The following MRPS27 variants were observed in gnomAD, a reference collection of about 807,000 sequenced individuals.
The protein encoded by MRPS27 is mitochondrial ribosomal protein S27, also known as small ribosomal subunit protein mS27.
MRPS27 carries 43 observed loss-of-function variants against 48.9 expected under a neutral mutation model. The observed-to-expected ratio is 0.88, with a 90% CI of 0.69 to 1.13. The LOEUF is 1.13. Among genes scored for constraint, MRPS27 ranks in the 50% most tolerant of loss-of-function variants. The pLI is 0.00. For missense variants in MRPS27, 467 were observed against 476.3 expected, an observed-to-expected ratio of 0.98 and a Z score of 0.18; for synonymous variants, 188 against 171.9, an observed-to-expected ratio of 1.09 and a Z score of -0.73.
At chr5:72,272,419 T>C (rs1343943005) in intron 4 of MRPS27, among the ~76,000 whole-genome samples, 2 of 152,216 alleles carry the variant, frequency 1.3e-5, no homozygotes. Context: ...TCTGGGATTA[T>C]GGAATTTTGT....
intron 4 of MRPS27, among the ~76,000 whole-genome samples, chr5:72,249,913 G>A (rs534022967): frequency 6.6e-6 from 1 of 152,050 alleles, no homozygotes; most frequent in Non-Finnish European, 1.5e-5. Flanking sequence ...GAACCTGGGA[G>A]GCGGAGCTTG....
chr5:72,277,149 A>G (rs1461056194), intron 4 of MRPS27, among the ~76,000 whole-genome samples: 2 of 152,182 alleles, frequency 1.3e-5, no homozygotes, highest in East Asian at 3.9e-4. Context: ...AAATGCAAAT[A>G]AAAACCACAA....
intron 4 of MRPS27, among the ~76,000 whole-genome samples, chr5:72,283,574 T>A (rs968130521): frequency 6.6e-6 from 1 of 152,144 alleles, no homozygotes; most frequent in African/African-American, 2.4e-5. Flanking sequence ...TGGTCTAAAA[T>A]TTTCCAACTA....
Position 72,320,131 on chromosome 5 carries a change from T to A in MRPS27, c.73+18A>T. The A allele has an allele frequency of 6.2e-7, 1 of 1,611,644 alleles. No individual in the cohort carries two copies. Among genetic ancestry groups the A allele is most frequent in the South Asian group, 1.1e-5 (1 of 91,036 alleles). ...AAAAACAGAATAATCAGGGGCCTAA[T>A]GAAGCTGTCCGGCCAACCTGCAGGA... On this transcript the variant is annotated intron_variant, in intron 1 of 10. Transcript: ENST00000261413.
intron 2 of MRPS27, among the ~76,000 whole-genome samples, 184 bp downstream of exon 2, chr5:72,313,897 G>T (rs1405685888): frequency 6.6e-6 from 1 of 152,158 alleles, no homozygotes; most frequent in African/African-American, 2.4e-5. Flanking sequence ...TGAAATATTA[G>T]AAATGAACAG....
intron 2 of MRPS27, among the ~76,000 whole-genome samples, chr5:72,307,037 T>C (rs1750288135): frequency 6.8e-6 from 1 of 147,236 alleles, no homozygotes. Context: ...AACCAAATCA[T>C]AAAAAAAAAA....
intron 2 of MRPS27, among the ~76,000 whole-genome samples, chr5:72,306,977 G>A (rs921506584): frequency 2.0e-5 from 3 of 152,018 alleles, no homozygotes; most frequent in Non-Finnish European, 4.4e-5. Flanking sequence ...GTTAACGGGG[G>A]CACATAGCAA....
chr5:72,259,984 C>T (rs757121054), intron 4 of MRPS27, among the ~76,000 whole-genome samples: 23 of 152,222 alleles, frequency 1.5e-4, no homozygotes, highest in South Asian at 6.2e-4. Flanking sequence ...TGGCTATATG[C>T]CTTTCTTCTT....
At chr5:72,295,390 ACTCT>A (rs889297882) in intron 4 of MRPS27, 137 bp downstream of exon 4, 51 of 588,916 alleles carry the variant, frequency 8.7e-5, no homozygotes, top group South Asian at 3.6e-4. Context: ...AAAATCAGAA[ACTCT>A]CTCTATACTC....
intron 4 of MRPS27, among the ~76,000 whole-genome samples, chr5:72,274,210 T>C (rs1301719956): frequency 2.0e-5 from 3 of 152,004 alleles, no homozygotes; most frequent in Admixed American, 1.3e-4. Context: ...AAATATTAGC[T>C]GGGCATGGTG....
intron 1 of MRPS27, among the ~76,000 whole-genome samples, chr5:72,318,758 C>T (rs1441699120): frequency 6.7e-6 from 1 of 148,586 alleles, no homozygotes; most frequent in African/African-American, 2.5e-5. Context: ...CGTGCCATTG[C>T]ACTCTAACCT....
chr5:72,262,164 T>G (rs548845583), intron 4 of MRPS27, among the ~76,000 whole-genome samples: 1 of 152,340 alleles, frequency 6.6e-6, no homozygotes, highest in African/African-American at 2.4e-5. Context: ...AGCTATTTGC[T>G]AGCTAGCTGT....
In MRPS27 at chr5:72,279,507, A is replaced by G. The variant is rs919882498; in HGVS notation, c.281+16024T>C. ...TGCAGTGGCTCACGCCTATAATCCT[A>G]GCCATTTAGGAGGCGAAGATGGGAG... On this transcript the variant is annotated intron_variant, in intron 4 of 10. Coordinates refer to ENST00000261413, the MANE Select transcript of MRPS27 (RefSeq NM_015084.3). Among the ~76,000 whole-genome samples, 5 of 152,168 alleles carry G rather than the reference A, an allele frequency of 3.3e-5. No individual in the cohort carries two copies. The East Asian group carries it at 9.6e-4, about 29-fold the overall frequency.
intron 4 of MRPS27, among the ~76,000 whole-genome samples, chr5:72,245,091 C>G (rs556297314): frequency 6.6e-6 from 1 of 152,268 alleles, no homozygotes; most frequent in African/African-American, 2.4e-5. Flanking sequence ...GTCCTAAAAG[C>G]AGAAAATGGC....
intron 4 of MRPS27, among the ~76,000 whole-genome samples, chr5:72,238,643 A>G (rs1363806182): frequency 6.6e-6 from 1 of 152,220 alleles, no homozygotes; most frequent in East Asian, 1.9e-4. Flanking sequence ...AGGAAAAGAA[A>G]TAAAAGTTGA....
intron 2 of MRPS27, among the ~76,000 whole-genome samples, chr5:72,299,140 G>C (rs1265006771): frequency 6.6e-6 from 1 of 152,068 alleles, no homozygotes; most frequent in Non-Finnish European, 1.5e-5. Flanking sequence ...AGGGAAGGGG[G>C]CAAGGGCTGA....
chr5:72,270,063 C>T (rs1218956220), intron 4 of MRPS27, among the ~76,000 whole-genome samples: 1 of 151,804 alleles, frequency 6.6e-6, no homozygotes, highest in Non-Finnish European at 1.5e-5. Flanking sequence ...CATGGCGTCA[C>T]ATGCCTGTAA....
intron 4 of MRPS27, among the ~76,000 whole-genome samples, chr5:72,260,533 T>C (rs550415904): frequency 3.3e-5 from 5 of 152,346 alleles, no homozygotes; most frequent in African/African-American, 1.2e-4. Flanking sequence ...ACTTAAAACA[T>C]GTAACATAGA....
At chr5:72,305,455 G>A (rs547046392) in intron 2 of MRPS27, among the ~76,000 whole-genome samples, 1 of 152,290 alleles carries the variant, frequency 6.6e-6, no homozygotes, top group South Asian at 2.1e-4. Flanking sequence ...GTCTGTAAGA[G>A]ACAGACCTGA....
Sources: allele counts gnomAD v4.1 joint callset (sites outside exome capture counted in the v4.1 genomes callset), GRCh38; gene constraint gnomAD v4.1.1; transcripts MANE v1.5; gene names NCBI Gene and HGNC (gene_info 2026-07-23, HGNC 2026-07-21).